The following LARGE1 variants were observed in gnomAD, a reference collection of about 807,000 sequenced individuals.
LARGE1 encodes the protein LARGE xylosyl- and glucuronyltransferase 1.
LARGE1 carries 43 observed loss-of-function variants against 87.6 expected under a neutral mutation model. The ratio of observed to expected loss-of-function variants is 0.49; its 90% CI spans 0.38 to 0.63. The LOEUF (loss-of-function observed/expected upper bound fraction) is 0.63, where lower values mean the gene tolerates loss of function less well. LARGE1 is among the 30% of genes least tolerant of loss of function. The probability of loss-of-function intolerance (pLI) is 0.00; values close to 1 mark genes in which losing one functional copy is unlikely to be tolerated. For missense variants in LARGE1, 802 were observed against 1,000.2 expected, an observed-to-expected ratio of 0.80 and a Z score of 2.67; for synonymous variants, 434 against 394.6, an observed-to-expected ratio of 1.10 and a Z score of -1.18.
chr22:33,439,511 G>A (rs974820287), intron 6 of LARGE1, among the ~76,000 whole-genome samples: 2 of 152,066 alleles, frequency 1.3e-5, no homozygotes, highest in Non-Finnish European at 1.5e-5. Context: ...CCTCCTCCAT[G>A]GAGCTTCCCT....
rs552307718 is a variant in LARGE1 at position 33,305,878 on chromosome 22, T to C, written c.1452-1371A>G. ...TTTTTTGAGGCGGAGTCTTGCTCTG[T>C]TGCCCAGGATGGTGCAGTGGCGTGA... On this transcript the variant is annotated intron_variant, in intron 11 of 14. Coordinates refer to ENST00000397394, the MANE Select transcript of LARGE1 (RefSeq NM_133642.5). Among the ~76,000 whole-genome samples the C allele has an allele frequency of 7.4e-5, 11 of 149,014 alleles. No individual in the cohort carries two copies. In the South Asian group the frequency reaches 2.1e-3, roughly 29 times the overall value.
chr22:33,296,602 CTT>C (rs1003954616), intron 12 of LARGE1, among the ~76,000 whole-genome samples: 2 of 129,744 alleles, frequency 1.5e-5, no homozygotes, highest in African/African-American at 6.1e-5. Flanking sequence ...GAGTTTCTCT[CTT>C]GTTGCCCAGG....
intron 7 of LARGE1, among the ~76,000 whole-genome samples, chr22:33,391,883 C>T (rs1378005471): frequency 6.6e-6 from 1 of 150,924 alleles, no homozygotes; most frequent in Non-Finnish European, 1.5e-5. Flanking sequence ...GATTCTCCTG[C>T]CTCAGCCTCC....
At chr22:33,817,723 CACAG>C (rs2086697195) in intron 1 of LARGE1, among the ~76,000 whole-genome samples, 1 of 152,178 alleles carries the variant, frequency 6.6e-6, no homozygotes, top group Non-Finnish European at 1.5e-5. Context: ...GCCCTAGCAT[CACAG>C]ACAGGCTCTC....
At chr22:33,894,597 T>C (rs995083123) in intron 1 of LARGE1, among the ~76,000 whole-genome samples, 4 of 152,268 alleles carry the variant, frequency 2.6e-5, no homozygotes, top group African/African-American at 9.6e-5. Flanking sequence ...AACTGGGACA[T>C]GGGAGCTGGC....
intron 10 of LARGE1, 56 bp from the exon 11 acceptor site, chr22:33,316,304 T>A (rs770566818): frequency 1.8e-5 from 28 of 1,580,498 alleles, no homozygotes; most frequent in Non-Finnish European, 2.3e-5. Flanking sequence ...AGGGGGCCCA[T>A]GAGCTTGCCC....
At chr22:33,771,138 T>C (rs892731430) in intron 1 of LARGE1, among the ~76,000 whole-genome samples, 1 of 151,832 alleles carries the variant, frequency 6.6e-6, no homozygotes, top group Non-Finnish European at 1.5e-5. Context: ...CCACTGCCCT[T>C]CTTTATCATA....
At chr22:33,250,818 T>C (rs1252857330) in intron 11 of LARGE1, among the ~76,000 whole-genome samples, 1 of 152,248 alleles carries the variant, frequency 6.6e-6, no homozygotes, top group Non-Finnish European at 1.5e-5. Context: ...TGATTTCAAA[T>C]TGAATCAGCC....
intron 5 of LARGE1, among the ~76,000 whole-genome samples, chr22:33,568,250 C>T (rs746643182): frequency 6.6e-6 from 1 of 152,158 alleles, no homozygotes; most frequent in South Asian, 2.1e-4. Flanking sequence ...AAAAACATCT[C>T]AACCTCACTT....
intron 5 of LARGE1, among the ~76,000 whole-genome samples, chr22:33,602,120 T>C (rs1351281153): frequency 2.0e-5 from 3 of 152,322 alleles, no homozygotes; most frequent in African/African-American, 2.4e-5. Context: ...GAAGCTGTCA[T>C]GTCGTGTACA....
chr22:33,848,837 C>T (rs1050424096), intron 1 of LARGE1, among the ~76,000 whole-genome samples: 15 of 152,182 alleles, frequency 9.9e-5, no homozygotes, highest in Admixed American at 7.2e-4. Context: ...TCCCGAGATG[C>T]CTCTTCGGGT....
intron 11 of LARGE1, among the ~76,000 whole-genome samples, chr22:33,256,337 C>T (rs780256772): frequency 1.6e-4 from 25 of 152,030 alleles, no homozygotes; most frequent in South Asian, 4.2e-4. Context: ...AAACCGAAGC[C>T]GAAAGTTGCA....
intron 5 of LARGE1, among the ~76,000 whole-genome samples, chr22:33,587,827 TTC>T (rs1355914786): frequency 2.6e-5 from 4 of 152,180 alleles, no homozygotes; most frequent in Admixed American, 6.5e-5. Flanking sequence ...TGTTTAATGT[TTC>T]TGTTTTTAAA....
chr22:33,565,906 C>A (rs10483172), intron 5 of LARGE1, among the ~76,000 whole-genome samples: 9,609 of 152,252 alleles, frequency 0.063, 372 homozygotes, highest in African/African-American at 0.11. Context: ...AAGCTCTCAT[C>A]TATGCACAGT....
chr22:33,601,376 C>T (rs1251329785), intron 5 of LARGE1, among the ~76,000 whole-genome samples: 1 of 152,080 alleles, frequency 6.6e-6, no homozygotes, highest in East Asian at 1.9e-4. Flanking sequence ...CAAAGATGAG[C>T]TCTCAGTTCC....
At chr22:33,405,520 T>C (rs9306276) in intron 7 of LARGE1, among the ~76,000 whole-genome samples, 207 of 152,324 alleles carry the variant, frequency 1.4e-3, no homozygotes, top group Admixed American at 3.1e-3. Flanking sequence ...AACATTACTA[T>C]GTGTAATTTC....
intron 6 of LARGE1, among the ~76,000 whole-genome samples, chr22:33,488,691 C>T (rs1212307416): frequency 6.6e-6 from 1 of 152,132 alleles, no homozygotes; most frequent in Non-Finnish European, 1.5e-5. Flanking sequence ...CTATCATTTG[C>T]CCTGACAATA....
intron 1 of LARGE1, among the ~76,000 whole-genome samples, chr22:33,773,576 T>C (rs1381731066): frequency 2.0e-5 from 3 of 152,324 alleles, no homozygotes; most frequent in African/African-American, 7.2e-5. Flanking sequence ...ATTGTGCCCA[T>C]CTTGTCTCTG....
Position 33,601,165 on chromosome 22 carries a change from G to A in LARGE1, c.615+3270C>T, listed in dbSNP as rs182413712. Among the ~76,000 whole-genome samples the A allele has an allele frequency of 5.9e-5, 9 of 152,318 alleles. No individual in the cohort carries two copies. The East Asian group carries it at 7.7e-4, about 13-fold the overall frequency. ...CAGAGGAAAAGAGTGGCATGACTGC[G>A]CTTGTTTTTGGAAAGCTGACTTTTG... On this transcript the variant is annotated intron_variant, in intron 5 of 14. Transcript: ENST00000397394.
Sources: allele counts gnomAD v4.1 joint callset (sites outside exome capture counted in the v4.1 genomes callset), GRCh38; gene constraint gnomAD v4.1.1; transcripts MANE v1.5; gene names NCBI Gene and HGNC (gene_info 2026-07-23, HGNC 2026-07-21).